Variants in NOLC1 observed in about 807,000 individuals in gnomAD.
The protein encoded by NOLC1 is nucleolar and coiled-body phosphoprotein 1, also known as 140 kDa nucleolar phosphoprotein.
A neutral mutation model predicts 73.4 loss-of-function variants in NOLC1; 37 were observed. That is an observed-to-expected ratio of 0.50 (90% confidence interval 0.39 to 0.66). NOLC1 has a LOEUF of 0.66. NOLC1 is among the 30% of genes least tolerant of loss of function. NOLC1 has a pLI of 0.00. For synonymous variants in NOLC1, 327 were observed against 302.6 expected (o/e 1.08, Z -0.84); for missense variants, 921 against 838.9 (o/e 1.10, Z -1.21).
chr10:102,153,382 A>G (rs939949930), intron 1 of NOLC1, among the ~76,000 whole-genome samples: 1 of 152,234 alleles, frequency 6.6e-6, no homozygotes, highest in Non-Finnish European at 1.5e-5. Flanking sequence ...AAAGGTTTGT[A>G]ATCTACATCA....
Position 102,160,491 on chromosome 10 carries a change from C to T in NOLC1, c.1139C>T (p.Pro380Leu), listed in dbSNP as rs764337440. ...SSEDDEAPSK[P>L]AGTTKNSSNK... Reference sequence around the variant, plus strand: ...GAGGATGATGAAGCTCCTTCTAAGCCAGCTGGTACCACCAAGAATTCTTCA... The same window carrying T: ...GAGGATGATGAAGCTCCTTCTAAGCTAGCTGGTACCACCAAGAATTCTTCA... Residue 380 changes from proline to leucine, a missense_variant, in exon 10 of 13, where the codon CCA (proline) becomes CTA (leucine). By Grantham distance (98) the Pro-to-Leu change is moderately conservative. Coordinates refer to ENST00000605788, the MANE Select transcript of NOLC1 (RefSeq NM_004741.5). 1.2e-6 allele frequency: 2 copies of T among 1,614,092 alleles called. No homozygotes were observed. Among genetic ancestry groups the T allele is most frequent in the African/African-American group, 1.3e-5 (1 of 75,030 alleles).
Position 102,159,275 on chromosome 10 carries a change from A to T in NOLC1, c.690A>T (p.Ser230=), listed in dbSNP as rs753298532. The change falls in exon 6 of 13, where the codon TCA becomes TCT. Residue 230 remains serine (S), a synonymous_variant. Coordinates refer to ENST00000605788, the MANE Select transcript of NOLC1 (RefSeq NM_004741.5). ...SSSSSSSSDD[S]EEEKAAATPK... ...GCAGCAGCAGTAGCAGTGATGACTC[A>T]GAGGAGGAGAAGGCAGCAGCCACCC... The T allele has an allele frequency of 6.2e-7, 1 of 1,614,136 alleles. No homozygotes were observed. The highest frequency in any genetic ancestry group is 1.1e-5 in the South Asian group (1 of 91,084).
chr10:102,159,405 G>C, intron 6 of NOLC1, 28 bp from the exon 7 acceptor site: 1 of 1,613,980 alleles, frequency 6.2e-7, no homozygotes, highest in Non-Finnish European at 8.5e-7. Flanking sequence ...GCATTTTCCT[G>C]TGGTAATCAA....
In NOLC1 at chr10:102,162,347, G is replaced by A. The variant is rs1370836532; in HGVS notation, c.*78G>A. 1.3e-6 allele frequency: 2 copies of A among 1,499,204 alleles called. No individual in the cohort carries two copies. The highest frequency in any genetic ancestry group is 1.8e-6 in the Non-Finnish European group (2 of 1,097,170). 92.9% of individuals were successfully genotyped at this position (1,499,204 alleles called of 1,614,324 possible). ...CTCCAGTGGACCTGGGAACCCTCAG[G>A]TCTCTAGGTGAGGGTCTTGATGAGG... On this transcript the variant is annotated 3_prime_UTR_variant, in exon 13 of 13. Coordinates refer to ENST00000605788, the MANE Select transcript of NOLC1 (RefSeq NM_004741.5).
chr10:102,159,365 C>A, intron 6 of NOLC1, 57 bp downstream of exon 6: 2 of 1,613,398 alleles, frequency 1.2e-6, no homozygotes, highest in Non-Finnish European at 1.7e-6. Context: ...GTGTGTGTGT[C>A]TTCCTTCCCT....
chr10:102,160,598 C>G lies in NOLC1; in HGVS notation c.1246C>G (p.Leu416Val), dbSNP rs961904708. ...PKQPVGGGQKLLTRKADSSSS... is the reference protein window; with the variant it reads ...PKQPVGGGQKVLTRKADSSSS... ...GCAACCTGTGGGCGGTGGCCAGAAGCTTCTGACGAGAAAGGCTGACAGCAG... is the reference window on the plus strand; with the variant it reads ...GCAACCTGTGGGCGGTGGCCAGAAGGTTCTGACGAGAAAGGCTGACAGCAG... Residue 416 changes from leucine to valine, a missense_variant, in exon 10 of 13, where the codon CTT becomes GTT. Coordinates refer to ENST00000605788, the MANE Select transcript of NOLC1 (RefSeq NM_004741.5). 1 of 1,614,228 alleles carries G rather than the reference C, an allele frequency of 6.2e-7. No homozygotes were observed. The highest frequency in any genetic ancestry group is 1.7e-5 in the Admixed American group (1 of 60,026).
At chr10:102,156,978 G>A in intron 1 of NOLC1, 41 bp from the exon 2 acceptor site, 1 of 1,589,966 alleles carries the variant, frequency 6.3e-7, no homozygotes, top group African/African-American at 1.3e-5. Context: ...AGCATAACCA[G>A]GATAAAATAA....
Position 102,162,935 on chromosome 10 carries a change from A to T in NOLC1, c.*666A>T, listed in dbSNP as rs1239349479. 5.9e-5 allele frequency: 9 copies of T among 152,230 alleles called. No homozygotes were observed. In the East Asian group the frequency reaches 1.5e-3, roughly 26 times the overall value. 9.4% of individuals were successfully genotyped at this position (152,230 alleles called of 1,614,324 possible). On this transcript the variant is annotated 3_prime_UTR_variant, in exon 13 of 13. Coordinates refer to ENST00000605788, the MANE Select transcript of NOLC1 (RefSeq NM_004741.5). ...CAGGCAAAATTCTGGTATGGCGTGA[A>T]TGCCATGGGTCATTCTGAATATATT... is the stretch of plus-strand genomic sequence containing the variant.
At position 102,160,719 on chromosome 10, in the gene NOLC1, C is replaced by T; in HGVS notation, c.1367C>T (p.Ser456Phe). The change falls in exon 10 of 13, where the codon TCT becomes TTT. Residue 456 changes from serine (S) to phenylalanine (F), a missense_variant. Coordinates refer to ENST00000605788, the MANE Select transcript of NOLC1 (RefSeq NM_004741.5). The stretch of plus-strand genomic sequence containing the variant: ...AAGGCGACTGCCAAAGCAGCTCTAT[C>T]TCTGCCTGCCAAGCAGGCTCCTCAG... ...KPKATAKAAL[S>F]LPAKQAPQGS... 1 of 1,614,100 alleles carries T rather than the reference C, an allele frequency of 6.2e-7. No homozygotes were observed. Among genetic ancestry groups the T allele is most frequent in the Non-Finnish European group, 8.5e-7 (1 of 1,179,964 alleles).
rs979451718 is a variant in NOLC1 at position 102,161,434 on chromosome 10, A to G, written c.1742-122A>G. On this transcript the variant is annotated intron_variant, in intron 10 of 12. Transcript: ENST00000605788. ...TTTTATAGAGACAGAATCTCACTAT[A>G]TTGCCCAGGCTGATCTGAATTTCCT... The G allele has an allele frequency of 5.2e-5, 37 of 712,408 alleles. No homozygotes were observed. The South Asian group carries it at 6.0e-4, about 12-fold the overall frequency. The allele number at this position is 712,408 out of a possible 1,614,324, so 44.1% of individuals were successfully genotyped here.
intron 1 of NOLC1, 47 bp from the exon 2 acceptor site, chr10:102,156,971 AT>A (rs772668309): frequency 2.0e-4 from 307 of 1,568,104 alleles, no homozygotes; most frequent in Non-Finnish European, 2.6e-4. Context: ...TAATGAAAGC[AT>A]AACCAGGATA....
At chr10:102,161,764 A>G (rs1000670984) in intron 11 of NOLC1, 69 bp from the exon 12 acceptor site, 16 of 1,531,752 alleles carry the variant, frequency 1.0e-5, no homozygotes, top group Non-Finnish European at 1.4e-5. Context: ...ACATGTGCCC[A>G]TGTGTATCAC....
At chr10:102,161,235 T>TA in intron 10 of NOLC1, 142 bp downstream of exon 10, 4 of 876,760 alleles carry the variant, frequency 4.6e-6, no homozygotes, top group Non-Finnish European at 6.7e-6. Context: ...GGAAACTGGT[T>TA]ACCTTTTTTT....
rs778155614 is a variant in NOLC1, at chr10:102,162,298, T to C, written c.*29T>C. The C allele has an allele frequency of 3.1e-6, 5 of 1,608,248 alleles. No homozygotes were observed. The highest frequency in any genetic ancestry group is 4.3e-6 in the Non-Finnish European group (5 of 1,176,276). On this transcript the variant is annotated 3_prime_UTR_variant, in exon 13 of 13. Transcript: ENST00000605788. ...GAGGCCATCTTCGGTGAAGCAAGGG[T>C]GATGATCGGAGACTACTTACTTTCT...
At chr10:102,160,079 G>A in intron 8 of NOLC1, 55 bp downstream of exon 8, 1 of 1,594,558 alleles carries the variant, frequency 6.3e-7, no homozygotes, top group Non-Finnish European at 8.5e-7. Flanking sequence ...AGGGGATGAG[G>A]AATAAGGGAG....
At chr10:102,153,195 C>T (rs2069535094) in intron 1 of NOLC1, among the ~76,000 whole-genome samples, 1 of 152,126 alleles carries the variant, frequency 6.6e-6, no homozygotes, top group African/African-American at 2.4e-5. Flanking sequence ...CTGAGTCTTT[C>T]TACAGGGATG....
At chr10:102,157,391 C>T (rs755868802) in intron 3 of NOLC1, 40 bp from the exon 4 acceptor site, 1 of 1,613,696 alleles carries the variant, frequency 6.2e-7, no homozygotes, top group Admixed American at 1.7e-5. Flanking sequence ...CTGCTTGTTT[C>T]ACATGGCTGA....
In NOLC1 at chr10:102,157,202, C is replaced by A; in HGVS notation, c.190C>A (p.Pro64Thr). 6.2e-7 allele frequency: 1 copy of A among 1,614,090 alleles called. No individual in the cohort carries two copies. The highest frequency in any genetic ancestry group is 2.2e-5 in the East Asian group (1 of 44,882). The change falls in exon 3 of 13, where the codon CCA becomes ACA. Residue 64 changes from proline to threonine, a missense_variant. Coordinates refer to ENST00000605788, the MANE Select transcript of NOLC1 (RefSeq NM_004741.5). ...CTACCTCAGCAGGTCTGCCAAGGTCCCAGAGCGAAAGTTACAGGCAAATGG... is the reference window on the plus strand; with the variant it reads ...CTACCTCAGCAGGTCTGCCAAGGTCACAGAGCGAAAGTTACAGGCAAATGG... The part of the protein sequence containing the change: ...YSFWLKSAKV[P>T]ERKLQANGPV...
At position 102,157,306 on chromosome 10, in the gene NOLC1, A is replaced by G. The variant is rs1163295668; in HGVS notation, c.294A>G (p.Gln98=). The change falls in exon 3 of 13, where the codon CAA becomes CAG. Residue 98 remains glutamine (Q), a synonymous_variant. Transcript: ENST00000605788. ...EDSSEEEEEV[Q]GPPAKKAAVP... ...GCAGCGAGGAGGAGGAGGAAGTTCAAGGGCCTCCAGCAAAGAAGGCTGGTA... is the reference window on the plus strand; with the variant it reads ...GCAGCGAGGAGGAGGAGGAAGTTCAGGGGCCTCCAGCAAAGAAGGCTGGTA... 7 of 1,614,114 alleles carry G rather than the reference A, an allele frequency of 4.3e-6. No individual in the cohort carries two copies. Among genetic ancestry groups the G allele is most frequent in the Admixed American group, 1.7e-5 (1 of 60,014 alleles).
Sources: gnomAD v4.1 joint callset for allele counts (sites outside exome capture counted in the v4.1 genomes callset) on GRCh38, gnomAD v4.1.1 for gene constraint, MANE v1.5 for transcripts, NCBI Gene and HGNC (gene_info 2026-07-23, HGNC 2026-07-21) for gene names.